FGD4: variants seen among roughly 807,000 people sequenced by gnomAD.
FGD4 encodes FYVE, RhoGEF and PH domain containing 4.
Under a neutral mutation model 102.0 loss-of-function variants are expected in FGD4, and 42 were observed. The observed-to-expected ratio is 0.41, with a 90% confidence interval of 0.32 to 0.53. The LOEUF (loss-of-function observed/expected upper bound fraction) is 0.53, where lower values mean the gene tolerates loss of function less well. Among genes scored for constraint, FGD4 ranks in the 20% least tolerant of loss-of-function variants. The probability of loss-of-function intolerance (pLI) is 0.21; values close to 1 mark genes in which losing one functional copy is unlikely to be tolerated. For synonymous variants in FGD4, 380 were observed against 375.7 expected, an observed-to-expected ratio of 1.01 and a Z score of -0.13; for missense variants, 902 against 1,078.2, an observed-to-expected ratio of 0.84 and a Z score of 2.29.
chr12:32,631,665 C>T (rs567029443), intron 14 of FGD4, among the ~76,000 whole-genome samples: 10 of 151,994 alleles, frequency 6.6e-5, no homozygotes, highest in Admixed American at 2.6e-4. Context: ...TCACCATGCC[C>T]GGCTAATTTT....
At chr12:32,554,412 T>A (rs1943935226) in intron 1 of FGD4, among the ~76,000 whole-genome samples, 1 of 152,188 alleles carries the variant, frequency 6.6e-6, no homozygotes, top group Non-Finnish European at 1.5e-5. Context: ...TTTTATGAAA[T>A]AGAAACTAAG....
chr12:32,629,963 A>G (rs1184860590), intron 14 of FGD4, among the ~76,000 whole-genome samples: 2 of 151,886 alleles, frequency 1.3e-5, no homozygotes, highest in Non-Finnish European at 2.9e-5. Context: ...GTGAGCTCTT[A>G]TTTGGTTGAT....
intron 10 of FGD4, among the ~76,000 whole-genome samples, chr12:32,616,698 C>G (rs1995227): frequency 0.083 from 12,631 of 152,262 alleles, 698 homozygotes; most frequent in Middle Eastern, 0.19. Flanking sequence ...GAAAACCAAA[C>G]TGTATTTAGA....
chr12:32,590,195 CT>C lies in FGD4; in HGVS notation c.1011+7729del, dbSNP rs200295314. Among the ~76,000 whole-genome samples the C allele has an allele frequency of 7.5e-3, 1,133 of 151,352 alleles. 7 individuals carry two copies. The highest frequency in any genetic ancestry group is 0.012 in the Non-Finnish European group (840 of 67,874). On this transcript the variant is annotated intron_variant, in intron 4 of 16. Transcript: ENST00000534526. ...TGGTGGCAGGCGCCTATAATCCCAG[CT>C]ACTCAGTGGGTGCTGAGGCAGGAGA...
At chr12:32,528,729 T>G (rs1941507518) in intron 1 of FGD4, among the ~76,000 whole-genome samples, 1 of 152,226 alleles carries the variant, frequency 6.6e-6, no homozygotes, top group African/African-American at 2.4e-5. Context: ...TTGCTCATAT[T>G]TAATACTGTG....
rs115943022 is a variant in FGD4, at chr12:32,484,598, G to C, written c.167-79539G>C. On this transcript the variant is annotated intron_variant, in intron 1 of 16. Transcript: ENST00000534526. ...TAAAATACCCCTTTTTAGGCTGGGT[G>C]CAGTCACTCATGCCTGTAATCCCAG... 1.4e-3 allele frequency among the ~76,000 whole-genome samples: 208 copies of C among 152,280 alleles called. 1 individual carries two copies. Among genetic ancestry groups the C allele is most frequent in the African/African-American group, 4.8e-3 (199 of 41,566 alleles).
intron 1 of FGD4, among the ~76,000 whole-genome samples, chr12:32,439,657 T>C (rs1356665431): frequency 2.0e-5 from 3 of 152,220 alleles, no homozygotes; most frequent in African/African-American, 7.2e-5. Flanking sequence ...GTAGTCTTCT[T>C]TGGGTTAAAT....
chr12:32,488,112 G>A (rs1029790626), intron 1 of FGD4, among the ~76,000 whole-genome samples: 17 of 150,906 alleles, frequency 1.1e-4, no homozygotes, highest in African/African-American at 3.9e-4. Flanking sequence ...CTTTTGGCTA[G>A]TTTTTCTTTG....
chr12:32,623,398 A>T (rs972690746), intron 11 of FGD4, among the ~76,000 whole-genome samples: 1 of 152,202 alleles, frequency 6.6e-6, no homozygotes, highest in African/African-American at 2.4e-5. Context: ...TGAAGCCCCC[A>T]GGTGAACAAT....
chr12:32,467,459 GAATA>G (rs1389608291), intron 1 of FGD4, among the ~76,000 whole-genome samples: 3 of 152,078 alleles, frequency 2.0e-5, no homozygotes, highest in African/African-American at 7.2e-5. Flanking sequence ...GTTGGTTGAA[GAATA>G]AATAAATAAA....
chr12:32,446,302 G>C (rs1017988535), intron 1 of FGD4, among the ~76,000 whole-genome samples: 17 of 152,076 alleles, frequency 1.1e-4, no homozygotes, highest in Non-Finnish European at 2.4e-4. Flanking sequence ...CTGGTGCACT[G>C]CTAGGGTCTG....
chr12:32,581,732 A>G (rs942445245), intron 3 of FGD4, among the ~76,000 whole-genome samples: 1 of 152,212 alleles, frequency 6.6e-6, no homozygotes, highest in Non-Finnish European at 1.5e-5. Context: ...TCCAGTCCCC[A>G]TAGGTAGACT....
intron 10 of FGD4, among the ~76,000 whole-genome samples, chr12:32,615,485 G>T (rs1403168741): frequency 6.6e-6 from 1 of 152,122 alleles, no homozygotes; most frequent in East Asian, 1.9e-4. Flanking sequence ...ATTTTTACCA[G>T]ATTAACTATA....
chr12:32,440,758 C>T (rs919934986), intron 1 of FGD4, among the ~76,000 whole-genome samples: 3 of 152,200 alleles, frequency 2.0e-5, no homozygotes, highest in African/African-American at 4.8e-5. Flanking sequence ...CCCTTCAGGG[C>T]GGCAAGGTCC....
At chr12:32,491,040 A>T (rs1333307994) in intron 1 of FGD4, among the ~76,000 whole-genome samples, 2 of 141,884 alleles carry the variant, frequency 1.4e-5, no homozygotes, top group Admixed American at 1.6e-4. Context: ...GCCCTGCCTG[A>T]TTTGTTTTGT....
intron 4 of FGD4, among the ~76,000 whole-genome samples, chr12:32,589,803 G>A (rs1312088742): frequency 2.0e-5 from 3 of 152,114 alleles, no homozygotes; most frequent in African/African-American, 7.2e-5. Flanking sequence ...CTTGAACCCA[G>A]GAGGCAGAGG....
At chr12:32,499,050 A>G (rs1460400058) in intron 1 of FGD4, among the ~76,000 whole-genome samples, 1 of 152,240 alleles carries the variant, frequency 6.6e-6, no homozygotes, top group Non-Finnish European at 1.5e-5. Context: ...TTACAAAAGG[A>G]AAGAGAAAGG....
At chr12:32,594,932 G>C (rs1947763407) in intron 4 of FGD4, among the ~76,000 whole-genome samples, 1 of 151,744 alleles carries the variant, frequency 6.6e-6, no homozygotes, top group East Asian at 2.0e-4. Context: ...TTGGGGGGCT[G>C]AGGCAGGAGA....
chr12:32,426,203 T>C (rs939821691), intron 1 of FGD4, among the ~76,000 whole-genome samples: 3 of 152,196 alleles, frequency 2.0e-5, no homozygotes, highest in African/African-American at 7.2e-5. Context: ...TGTGGATTTG[T>C]CATAAACAGC....
Sources: allele counts gnomAD v4.1 joint callset (sites outside exome capture counted in the v4.1 genomes callset), GRCh38; gene constraint gnomAD v4.1.1; transcripts MANE v1.5; gene names NCBI Gene and HGNC (gene_info 2026-07-23, HGNC 2026-07-21).